The following TRIM34 variants were observed in gnomAD, a reference collection of about 807,000 sequenced individuals.
TRIM34 encodes tripartite motif containing 34, also known as E3 ubiquitin-protein ligase TRIM34.
Under a neutral mutation model 38.1 loss-of-function variants are expected in TRIM34, and 41 were observed. The ratio of observed to expected loss-of-function variants is 1.08; its 90% confidence interval spans 0.84 to 1.40. TRIM34 has a LOEUF of 1.40. Among genes scored for constraint, TRIM34 ranks in the 40% most tolerant of loss-of-function variants. The pLI is 0.00. For synonymous variants in TRIM34, 200 were observed against 202.5 expected (o/e 0.99, Z 0.10); for missense variants, 556 against 571.4 (o/e 0.97, Z 0.27).
At position 5,643,845 on chromosome 11, in the gene TRIM34, T is replaced by C; in HGVS notation, c.*136T>C. The C allele has an allele frequency of 8.2e-7, 1 of 1,220,594 alleles. No homozygotes were observed. Among genetic ancestry groups the C allele is most frequent in the Non-Finnish European group, 1.1e-6 (1 of 886,416 alleles). 75.6% of individuals were successfully genotyped at this position (1,220,594 alleles called of 1,614,324 possible). The stretch of plus-strand genomic sequence containing the variant: ...TTACTCATCCTTGAGATGTATGGTG[T>C]ATTTGGCTTGAGTTATGAGAGATGC... On this transcript the variant is annotated 3_prime_UTR_variant, in exon 8 of 8. Transcript: ENST00000429814.
chr11:5,634,437 GA>G (rs374035714), intron 3 of TRIM34, among the ~76,000 whole-genome samples, 193 bp from the exon 4 acceptor site: 153 of 130,746 alleles, frequency 1.2e-3, no homozygotes, highest in Admixed American at 2.1e-3. Context: ...TGAACTCCCT[GA>G]AAAAAAAAAT....
intron 4 of TRIM34, among the ~76,000 whole-genome samples, chr11:5,638,581 A>G (rs953577777): frequency 6.6e-6 from 1 of 152,224 alleles, no homozygotes; most frequent in African/African-American, 2.4e-5. Flanking sequence ...CAGATGACTA[A>G]CAGAAGTTAA....
rs751090808 is a variant in TRIM34, at chr11:5,643,407, A to C, written c.1165A>C (p.Thr389Pro). Reference protein sequence around the residue: ...RRCANRQNLYTKYRPLFGYWV... With the variant: ...RRCANRQNLYPKYRPLFGYWV... ...ATGTGCAAATCGTCAAAATCTTTAC[A>C]CCAAATACAGACCTCTATTTGGCTA... is the stretch of plus-strand genomic sequence containing the variant. The change falls in exon 8 of 8, where the codon ACC becomes CCC. Residue 389 changes from threonine to proline, a missense_variant. Coordinates refer to ENST00000429814, the MANE Select transcript of TRIM34 (RefSeq NM_021616.6). The C allele has an allele frequency of 1.9e-6, 3 of 1,614,146 alleles. No homozygotes were observed. The Admixed American group carries it at 5.0e-5, about 27-fold the overall frequency.
In TRIM34 at chr11:5,634,653, A is replaced by C. The variant is rs375554699; in HGVS notation, c.542A>C (p.Gln181Pro). ...CAGTATCAGGTACAAACTGAGAGAC[A>C]AAGGATACAAACAGAATTTGATCAG... is the stretch of plus-strand genomic sequence containing the variant. ...SWKYQVQTER[Q>P]RIQTEFDQLR... The change falls in exon 4 of 8, where the codon CAA becomes CCA. Residue 181 changes from glutamine to proline, a missense_variant. By Grantham distance (76) the Gln-to-Pro change is moderately conservative. Transcript: ENST00000429814. 6.2e-6 allele frequency: 10 copies of C among 1,613,536 alleles called. No individual in the cohort carries two copies. In the African/African-American group the frequency reaches 1.3e-4, roughly 22 times the overall value.
upstream of TRIM34, among the ~76,000 whole-genome samples, chr11:5,621,313 T>G (rs1465085551): frequency 6.6e-6 from 1 of 152,228 alleles, no homozygotes; most frequent in Non-Finnish European, 1.5e-5. Context: ...AGACAGATAC[T>G]TTACTCCTGC....
chr11:5,634,016 T>C (rs1242118062), intron 3 of TRIM34, 117 bp downstream of exon 3: 6 of 1,087,490 alleles, frequency 5.5e-6, no homozygotes, highest in Non-Finnish European at 7.8e-6. Flanking sequence ...ATTTGATTAG[T>C]TCTCTTCTCT....
chr11:5,634,530 C>CACACATAT (rs1491498839), intron 3 of TRIM34, 101 bp from the exon 4 acceptor site: 5 of 261,994 alleles, frequency 1.9e-5, no homozygotes, highest in African/African-American at 1.6e-4. Flanking sequence ...CACACACACA[C>CACACATAT]ATATATATAT....
upstream of TRIM34, among the ~76,000 whole-genome samples, chr11:5,624,624 G>A (rs1306965977): frequency 2.6e-5 from 4 of 151,866 alleles, no homozygotes; most frequent in Non-Finnish European, 5.9e-5. Context: ...CACTATTGAT[G>A]TTTTGGAATG....
At position 5,643,328 on chromosome 11, in the gene TRIM34, C is replaced by T. The variant is rs1455357295; in HGVS notation, c.1086C>T (p.Ile362=). 1 of 1,613,872 alleles carries T rather than the reference C, an allele frequency of 6.2e-7. No homozygotes were observed. Among genetic ancestry groups the T allele is most frequent in the Non-Finnish European group, 8.5e-7 (1 of 1,179,932 alleles). ...EVDVSKKTAW[I]LGVYCRTYSR... ...ACGTGTCCAAGAAAACTGCCTGGATCCTGGGGGTATACTGTAGAACATATT... is the reference window on the plus strand; with the variant it reads ...ACGTGTCCAAGAAAACTGCCTGGATTCTGGGGGTATACTGTAGAACATATT... Residue 362 remains isoleucine (I), a synonymous_variant, in exon 8 of 8, where the codon ATC becomes ATT. Coordinates refer to ENST00000429814, the MANE Select transcript of TRIM34 (RefSeq NM_021616.6).
At chr11:5,622,646 A>C (rs1008565045), upstream of TRIM34, among the ~76,000 whole-genome samples, 1 of 147,520 alleles carries the variant, frequency 6.8e-6, no homozygotes, top group Non-Finnish European at 1.5e-5. Flanking sequence ...AATAAAAAAA[A>C]CCGGAAAAAA....
chr11:5,642,569 C>G, intron 6 of TRIM34, 63 bp downstream of exon 6: 2 of 1,567,926 alleles, frequency 1.3e-6, no homozygotes, highest in Non-Finnish European at 1.7e-6. Context: ...AATAAACTGT[C>G]TAGGTGGGAT....
intron 4 of TRIM34, among the ~76,000 whole-genome samples, chr11:5,637,238 C>T (rs1159853397): frequency 6.6e-6 from 1 of 152,134 alleles, no homozygotes; most frequent in Non-Finnish European, 1.5e-5. Context: ...TCCTGAGAGT[C>T]CCTGTAACAG....
upstream of TRIM34, among the ~76,000 whole-genome samples, chr11:5,620,391 T>C (rs1848946774): frequency 6.6e-6 from 1 of 151,036 alleles, no homozygotes; most frequent in Non-Finnish European, 1.5e-5. Flanking sequence ...GTTGGCCAGA[T>C]TGGTCTCGAA....
intron 1 of TRIM34, among the ~76,000 whole-genome samples, 187 bp from the exon 2 acceptor site, chr11:5,632,068 T>A (rs1849504895): frequency 1.3e-5 from 2 of 152,150 alleles, no homozygotes; most frequent in South Asian, 4.1e-4. Context: ...CTAGGCTGAG[T>A]AATGAACAAG....
chr11:5,633,338 T>A (rs1284553737), intron 2 of TRIM34, among the ~76,000 whole-genome samples: 1 of 152,054 alleles, frequency 6.6e-6, no homozygotes, highest in East Asian at 1.9e-4. Context: ...GGTACACTCT[T>A]GTGTATTCCT....
chr11:5,639,366 AGC>A (rs1472016128), intron 4 of TRIM34, among the ~76,000 whole-genome samples: 8 of 152,186 alleles, frequency 5.3e-5, no homozygotes, highest in Non-Finnish European at 8.8e-5. Context: ...GACAAAAAAC[AGC>A]ACCTATGTGT....
At chr11:5,629,263 C>T (rs545831455) in intron 1 of TRIM34, among the ~76,000 whole-genome samples, 14 of 151,730 alleles carry the variant, frequency 9.2e-5, no homozygotes, top group African/African-American at 2.7e-4. Context: ...GGCGACAGAG[C>T]GAAACTCCAT....
chr11:5,622,185 C>T (rs563605158), upstream of TRIM34, among the ~76,000 whole-genome samples: 21 of 152,270 alleles, frequency 1.4e-4, no homozygotes, highest in South Asian at 1.0e-3. Flanking sequence ...GTGGCTCACA[C>T]CTGTAATCCC....
At position 5,634,757 on chromosome 11, in the gene TRIM34, T is replaced by A; in HGVS notation, c.646T>A (p.Phe216Ile). The change falls in exon 4 of 8, where the codon TTT (phenylalanine) becomes ATT (isoleucine). Residue 216 changes from phenylalanine (F) to isoleucine (I), a missense_variant. Transcript: ENST00000429814. The part of the protein sequence containing the change: ...EEEEKKTLDK[F>I]AEAEDELVQQ... Reference sequence around the variant, plus strand: ...AGAAGAAAAGAAGACGCTGGATAAGTTTGCAGAGGCTGAGGATGAGCTAGT... The same window carrying A: ...AGAAGAAAAGAAGACGCTGGATAAGATTGCAGAGGCTGAGGATGAGCTAGT... 1 of 1,614,026 alleles carries A rather than the reference T, an allele frequency of 6.2e-7. No homozygotes were observed. The highest frequency in any genetic ancestry group is 1.1e-5 in the South Asian group (1 of 91,076).
Sources: allele counts gnomAD v4.1 joint callset (sites outside exome capture counted in the v4.1 genomes callset), GRCh38; gene constraint gnomAD v4.1.1; transcripts MANE v1.5; gene names NCBI Gene and HGNC (gene_info 2026-07-23, HGNC 2026-07-21).